HSPD1: variants seen among roughly 807,000 people sequenced by gnomAD.
HSPD1 encodes the protein 60 kDa heat shock protein, mitochondrial.
In HSPD1, 3 loss-of-function variants were observed where a neutral mutation model predicts 53.0. That is an observed-to-expected ratio of 0.06 (90% CI 0.03 to 0.15). The LOEUF is 0.15. Among genes scored for constraint, HSPD1 ranks in the 10% least tolerant of loss-of-function variants. The pLI, the probability that HSPD1 is intolerant of heterozygous loss-of-function variation, is 1.00. For missense variants in HSPD1, 431 were observed against 694.1 expected (o/e 0.62, Z 4.26); for synonymous variants, 200 against 228.0 (o/e 0.88, Z 1.10).
chr2:197,494,359 A>G (rs1021235879), intron 5 of HSPD1, 109 bp from the exon 6 acceptor site: 38 of 719,890 alleles, frequency 5.3e-5, no homozygotes, highest in Non-Finnish European at 8.6e-5. Context: ...GATGCAGGGT[A>G]GAGTATGAAA....
intron 5 of HSPD1, 99 bp from the exon 6 acceptor site, chr2:197,494,349 G>T: frequency 1.3e-6 from 1 of 746,772 alleles, no homozygotes. Flanking sequence ...GGCCATAAGA[G>T]ATGCAGGGTA....
Position 197,486,819 on chromosome 2 carries a change from T to C in HSPD1, c.*227A>G. ...ACCCAGTATCAGGAATGTACAAATG[T>C]TTTTTATTCAAAAATACAAAATAAA... On this transcript the variant is annotated 3_prime_UTR_variant, in exon 12 of 12. Coordinates refer to ENST00000388968, the MANE Select transcript of HSPD1 (RefSeq NM_002156.5). 1.9e-6 allele frequency: 1 copy of C among 530,656 alleles called. No individual in the cohort carries two copies. Among genetic ancestry groups the C allele is most frequent in the South Asian group, 2.1e-5 (1 of 48,092 alleles). 32.9% of individuals were successfully genotyped at this position (530,656 alleles called of 1,614,324 possible).
rs1417569485 is a variant in HSPD1, at chr2:197,495,795, G to GAC, written c.428-421_428-420dup. Among the ~76,000 whole-genome samples, 9 of 152,270 alleles carry GAC rather than the reference G, an allele frequency of 5.9e-5. No homozygotes were observed. In the East Asian group the frequency reaches 1.7e-3, roughly 29 times the overall value. On this transcript the variant is annotated intron_variant, in intron 3 of 11. Coordinates refer to ENST00000388968, the MANE Select transcript of HSPD1 (RefSeq NM_002156.5). ...TATTAAATTTACACACAGCTTCTGA[G>GAC]ACAGTGCTTCTTAATAACACAGAGT...
chr2:197,486,706 A>C lies in HSPD1; in HGVS notation c.*340T>G, dbSNP rs2086029558. The C allele has an allele frequency of 3.1e-6, 1 of 321,886 alleles. No homozygotes were observed. The highest frequency in any genetic ancestry group is 6.0e-6 in the Non-Finnish European group (1 of 166,436). The allele number at this position is 321,886 out of a possible 1,614,324, so 19.9% of individuals were successfully genotyped here. A position where few individuals can be genotyped will look rare whatever the true frequency, so the allele number is the denominator to read the frequency against. On this transcript the variant is annotated 3_prime_UTR_variant, in exon 12 of 12. Coordinates refer to ENST00000388968, the MANE Select transcript of HSPD1 (RefSeq NM_002156.5). ...CTTAACTTCTCATCTGGTGGTGGCA[A>C]GCACTAAAATCCTGATTTTAACAGA...
chr2:197,497,949 C>G (rs1356962774), intron 2 of HSPD1, among the ~76,000 whole-genome samples: 1 of 152,206 alleles, frequency 6.6e-6, no homozygotes, highest in Non-Finnish European at 1.5e-5. Flanking sequence ...GATATCTGAA[C>G]TGTCTTCAAA....
intron 11 of HSPD1, among the ~76,000 whole-genome samples, 155 bp from the exon 12 acceptor site, chr2:197,487,353 C>T (rs949898028): frequency 1.3e-5 from 2 of 152,092 alleles, no homozygotes; most frequent in African/African-American, 4.8e-5. Flanking sequence ...TCAAGACCAG[C>T]CTGGCCAACA....
chr2:197,495,491 T>A, intron 3 of HSPD1, 115 bp from the exon 4 acceptor site: 77 of 650,100 alleles, frequency 1.2e-4, no homozygotes, highest in South Asian at 1.5e-4. Flanking sequence ...AAAAAAAAAT[T>A]TTTTTTTTTT....
chr2:197,498,652 C>T (rs757573488), intron 2 of HSPD1, 23 bp downstream of exon 2: 7 of 1,602,006 alleles, frequency 4.4e-6, no homozygotes, highest in Non-Finnish European at 6.0e-6. Context: ...ACCGTAATTA[C>T]AATAAAATAA....
chr2:197,489,323 G>A (rs758160937), intron 8 of HSPD1, 76 bp from the exon 9 acceptor site: 2 of 1,395,030 alleles, frequency 1.4e-6, no homozygotes, highest in Non-Finnish European at 2.0e-6. Context: ...AATACACCAT[G>A]CAAGAGAATC....
At position 197,497,475 on chromosome 2, in the gene HSPD1, C is replaced by A. The variant is rs1415553096; in HGVS notation, c.175-83G>T. Reference sequence around the variant, plus strand: ...AAAATGAGCAGTCTTCATAATAAAGCAACTACTTCAAAGTCTCAACGTAAG... The same window carrying A: ...AAAATGAGCAGTCTTCATAATAAAGAAACTACTTCAAAGTCTCAACGTAAG... On this transcript the variant is annotated intron_variant, in intron 2 of 11. Transcript: ENST00000388968. 3.0e-6 allele frequency: 4 copies of A among 1,351,596 alleles called. No individual in the cohort carries two copies. In the African/African-American group the frequency reaches 4.3e-5, roughly 15 times the overall value. The allele number at this position is 1,351,596 out of a possible 1,614,324, so 83.7% of individuals were successfully genotyped here.
At chr2:197,498,934 A>G in intron 1 of HSPD1, 84 bp from the exon 2 acceptor site, 2 of 1,235,144 alleles carry the variant, frequency 1.6e-6, no homozygotes, top group Non-Finnish European at 2.3e-6. Flanking sequence ...CAACAGAGCA[A>G]GCAACGTGAG....
At chr2:197,498,592 CTGT>C in intron 2 of HSPD1, 80 bp downstream of exon 2, 7 of 1,207,734 alleles carry the variant, frequency 5.8e-6, no homozygotes, top group Non-Finnish European at 8.6e-6. Context: ...GATGAAAGTA[CTGT>C]TGAATAGTTC....
intron 7 of HSPD1, chr2:197,490,578 C>T: frequency 2.5e-6 from 1 of 394,708 alleles, no homozygotes; most frequent in Non-Finnish European, 4.7e-6. Context: ...GGCCTGTAAT[C>T]CCGGCACTTT....
chr2:197,494,491 G>GTA, intron 5 of HSPD1, 166 bp downstream of exon 5: 1 of 638,434 alleles, frequency 1.6e-6, no homozygotes, highest in Non-Finnish European at 2.8e-6. Context: ...AACACAGTAA[G>GTA]TACTTTATTC....
intron 2 of HSPD1, among the ~76,000 whole-genome samples, chr2:197,497,785 C>T (rs1180110441): frequency 6.6e-6 from 1 of 152,182 alleles, no homozygotes; most frequent in East Asian, 1.9e-4. Flanking sequence ...AAATATTAAC[C>T]ATCAAGGCAA....
intron 2 of HSPD1, 46 bp from the exon 3 acceptor site, chr2:197,497,438 T>C (rs375878365): frequency 7.0e-5 from 112 of 1,592,614 alleles, no homozygotes; most frequent in Non-Finnish European, 9.3e-5. Context: ...CTAAGGATGA[T>C]TTACATTTTT....
At position 197,489,214 on chromosome 2, in the gene HSPD1, C is replaced by T. The variant is rs1211601466; in HGVS notation, c.1003G>A (p.Glu335Lys). The change falls in exon 9 of 12, where the codon GAA (glutamate) becomes AAA (lysine). Residue 335 changes from glutamate (E) to lysine (K), a missense_variant. By Grantham distance (56) the Glu-to-Lys change is moderately conservative. Transcript: ENST00000388968. ...FGEEGLTLNL[E>K]DVQPHDLGKV... ...CCTAAGTCATGAGGCTGAACGTCTT[C>T]AAGATTCAGGGTCAATCCCTCTTCT... 17 of 1,614,024 alleles carry T rather than the reference C, an allele frequency of 1.1e-5. No individual in the cohort carries two copies. The highest frequency in any genetic ancestry group is 1.4e-5 in the Non-Finnish European group (17 of 1,179,990).
intron 10 of HSPD1, 55 bp from the exon 11 acceptor site, chr2:197,488,091 C>G (rs2086048638): frequency 7.9e-7 from 1 of 1,272,640 alleles, no homozygotes; most frequent in South Asian, 1.3e-5. Context: ...TATTGTAACA[C>G]ATTTATAAGT....
intron 2 of HSPD1, among the ~76,000 whole-genome samples, chr2:197,498,335 T>C (rs1431188774): frequency 1.3e-5 from 2 of 152,220 alleles, no homozygotes; most frequent in Admixed American, 1.3e-4. Flanking sequence ...AGTTAAACTC[T>C]TCTCTCTACA....
Sources: gnomAD v4.1 joint callset for allele counts (sites outside exome capture counted in the v4.1 genomes callset) on GRCh38, gnomAD v4.1.1 for gene constraint, MANE v1.5 for transcripts, NCBI Gene and HGNC (gene_info 2026-07-23, HGNC 2026-07-21) for gene names.